The following ACP3 variants were observed in gnomAD, a reference collection of about 807,000 sequenced individuals.
The protein encoded by ACP3 is prostatic acid phosphatase.
In ACP3, 38 loss-of-function variants were observed where a neutral mutation model predicts 45.6. The ratio of observed to expected loss-of-function variants is 0.83; its 90% CI spans 0.64 to 1.09. The LOEUF is 1.09. ACP3 is among the 50% of genes least tolerant of loss of function. The pLI is 0.00. For synonymous variants in ACP3, 162 were observed against 164.7 expected, an observed-to-expected ratio of 0.98 and a Z score of 0.13; for missense variants, 466 against 463.2, an observed-to-expected ratio of 1.01 and a Z score of -0.05.
Position 132,356,745 on chromosome 3 carries a change from T to A in ACP3, c.1028T>A (p.Met343Lys). Residue 343 changes from methionine (M) to lysine (K), a missense_variant, in exon 10 of 10, where the codon ATG becomes AAG. Coordinates refer to ENST00000336375, the MANE Select transcript of ACP3 (RefSeq NM_001099.5). ...ACGCAGCACGAGCCGTATCCCCTCATGCTACCTGGCTGCAGCCCCAGCTGT... is the reference window on the plus strand; with the variant it reads ...ACGCAGCACGAGCCGTATCCCCTCAAGCTACCTGGCTGCAGCCCCAGCTGT... ...NETQHEPYPL[M>K]LPGCSPSCPL... The A allele has an allele frequency of 6.2e-7, 1 of 1,614,172 alleles. No individual in the cohort carries two copies. The highest frequency in any genetic ancestry group is 1.3e-5 in the African/African-American group (1 of 75,044).
At chr3:132,362,852 A>G (rs1423689302), downstream of ACP3, among the ~76,000 whole-genome samples, 2 of 152,240 alleles carry the variant, frequency 1.3e-5, no homozygotes, top group African/African-American at 2.4e-5. Context: ...TGCAGAGGCA[A>G]GCACTAAGTG....
At chr3:132,320,278 T>A (rs1937181986) in intron 1 of ACP3, among the ~76,000 whole-genome samples, 1 of 152,178 alleles carries the variant, frequency 6.6e-6, no homozygotes, top group African/African-American at 2.4e-5. Flanking sequence ...AGAACTGACA[T>A]TTTTAACTTT....
intron 7 of ACP3, among the ~76,000 whole-genome samples, chr3:132,346,924 C>A (rs1266845919): frequency 6.6e-6 from 1 of 152,214 alleles, no homozygotes; most frequent in African/African-American, 2.4e-5. Context: ...TCCCAACATG[C>A]TTTATACCAG....
chr3:132,339,634 A>C (rs1264346851), intron 5 of ACP3, among the ~76,000 whole-genome samples: 1 of 152,214 alleles, frequency 6.6e-6, no homozygotes, highest in Non-Finnish European at 1.5e-5. Context: ...AGGATATTAC[A>C]AAAGATATAA....
At chr3:132,349,798 C>T in intron 7 of ACP3, 122 bp from the exon 8 acceptor site, 1 of 662,128 alleles carries the variant, frequency 1.5e-6, no homozygotes, top group Non-Finnish European at 2.7e-6. Context: ...AAAATTAGAT[C>T]TTTGCCCCTC....
Position 132,357,034 on chromosome 3 carries a change from C to T in ACP3, c.*156C>T. The T allele has an allele frequency of 7.2e-7, 1 of 1,384,382 alleles. No individual in the cohort carries two copies. 85.8% of individuals were successfully genotyped at this position (1,384,382 alleles called of 1,614,324 possible). The stretch of plus-strand genomic sequence containing the variant: ...GACCCCCAACCTCAGGCAATTCCTA[C>T]CTCTTCACCTGACCCTGCCCCCACT... On this transcript the variant is annotated 3_prime_UTR_variant, in exon 10 of 10. Transcript: ENST00000336375.
chr3:132,344,333 C>A (rs1434171697), intron 6 of ACP3, among the ~76,000 whole-genome samples: 1 of 147,780 alleles, frequency 6.8e-6, no homozygotes, highest in Non-Finnish European at 1.5e-5. Context: ...ATAGTCCCAA[C>A]TACTCAGGAG....
At chr3:132,338,715 G>A (rs1272483311) in intron 5 of ACP3, among the ~76,000 whole-genome samples, 1 of 152,188 alleles carries the variant, frequency 6.6e-6, no homozygotes, top group Non-Finnish European at 1.5e-5. Flanking sequence ...ATCACTAGAA[G>A]CATCCATCTC....
At position 132,352,759 on chromosome 3, in the gene ACP3, G is replaced by T; in HGVS notation, c.904G>T (p.Val302Phe). The change falls in exon 9 of 10, where the codon GTT (valine) becomes TTT (phenylalanine). Residue 302 changes from valine (V) to phenylalanine (F), a missense_variant. Transcript: ENST00000336375. ...TVSGLQMALDVYNGLLPPYAS... is the reference protein window; with the variant it reads ...TVSGLQMALDFYNGLLPPYAS... ...GAGTGGCCTACAGATGGCGCTAGAT[G>T]TTTACAACGGACTCCTTCCTCCCTA... is the stretch of plus-strand genomic sequence containing the variant. 6.2e-7 allele frequency: 1 copy of T among 1,613,972 alleles called. No homozygotes were observed. Among genetic ancestry groups the T allele is most frequent in the Non-Finnish European group, 8.5e-7 (1 of 1,179,854 alleles).
chr3:132,342,281 G>A (rs1374461359), intron 5 of ACP3, among the ~76,000 whole-genome samples: 1 of 152,168 alleles, frequency 6.6e-6, no homozygotes, highest in Non-Finnish European at 1.5e-5. Flanking sequence ...CAATATTACT[G>A]GTGCATTTTT....
chr3:132,363,434 G>T (rs1218662905), downstream of ACP3, among the ~76,000 whole-genome samples: 1 of 152,098 alleles, frequency 6.6e-6, no homozygotes, highest in East Asian at 1.9e-4. Context: ...AGATTGCCTT[G>T]ACCACAGCTC....
Position 132,357,254 on chromosome 3 carries a change from C to T in ACP3, c.*376C>T. On this transcript the variant is annotated 3_prime_UTR_variant, in exon 10 of 10. Transcript: ENST00000336375. ...TTGAGCAGGATTAGATAAGGCTGTT[C>T]TTTAAATGTCTGAAATGGAACAGAT... The T allele has an allele frequency of 1.0e-6, 1 of 989,442 alleles. No homozygotes were observed. The highest frequency in any genetic ancestry group is 1.2e-6 in the Non-Finnish European group (1 of 832,646). 61.3% of individuals were successfully genotyped at this position (989,442 alleles called of 1,614,324 possible).
At chr3:132,349,441 T>G (rs1937668087) in intron 7 of ACP3, among the ~76,000 whole-genome samples, 1 of 152,188 alleles carries the variant, frequency 6.6e-6, no homozygotes, top group Non-Finnish European at 1.5e-5. Context: ...CAGGTCTGAC[T>G]GCCAGAGAGT....
downstream of ACP3, among the ~76,000 whole-genome samples, chr3:132,361,836 A>G (rs572285412): frequency 5.9e-5 from 9 of 152,312 alleles, no homozygotes; most frequent in East Asian, 5.8e-4. Flanking sequence ...TCCTCCCTGC[A>G]TGGGCTGACC....
chr3:132,366,744 T>C (rs1938138172), intron 10 of ACP3, among the ~76,000 whole-genome samples: 1 of 152,226 alleles, frequency 6.6e-6, no homozygotes, highest in Non-Finnish European at 1.5e-5. Flanking sequence ...TGGAGATTTA[T>C]ATTTGGAAGT....
At chr3:132,351,151 G>A (rs1468848254) in intron 8 of ACP3, among the ~76,000 whole-genome samples, 1 of 152,180 alleles carries the variant, frequency 6.6e-6, no homozygotes, top group Non-Finnish European at 1.5e-5. Flanking sequence ...TGCCACAGGG[G>A]CATCCCAGCA....
chr3:132,349,850 C>G (rs1206580395), intron 7 of ACP3, 70 bp from the exon 8 acceptor site: 1 of 1,128,200 alleles, frequency 8.9e-7, no homozygotes, highest in East Asian at 2.4e-5. Flanking sequence ...TATGAAGTGA[C>G]AAAAAGCTAA....
intron 2 of ACP3, among the ~76,000 whole-genome samples, chr3:132,330,414 G>A (rs1468366364): frequency 6.6e-6 from 1 of 152,182 alleles, no homozygotes; most frequent in Non-Finnish European, 1.5e-5. Flanking sequence ...TCTCAGTAAT[G>A]TAAATTCTTC....
In ACP3 at chr3:132,357,368, T is replaced by C; in HGVS notation, c.*490T>C. 1.0e-6 allele frequency: 1 copy of C among 985,392 alleles called. No individual in the cohort carries two copies. The highest frequency in any genetic ancestry group is 1.2e-6 in the Non-Finnish European group (1 of 829,980). The allele number at this position is 985,392 out of a possible 1,614,324, so 61.0% of individuals were successfully genotyped here. On this transcript the variant is annotated 3_prime_UTR_variant, in exon 10 of 10. Transcript: ENST00000336375. Reference sequence around the variant, plus strand: ...GGCAAAAAACCAATTTACCCATCAGTTCCAGCCTTCTCTCAAGGAGAGGCA... The same window carrying C: ...GGCAAAAAACCAATTTACCCATCAGCTCCAGCCTTCTCTCAAGGAGAGGCA...
Sources: allele counts gnomAD v4.1 joint callset (sites outside exome capture counted in the v4.1 genomes callset), GRCh38; gene constraint gnomAD v4.1.1; transcripts MANE v1.5; gene names NCBI Gene and HGNC (gene_info 2026-07-23, HGNC 2026-07-21).